SSBP3: variants seen among roughly 807,000 people sequenced by gnomAD.
SSBP3 encodes single-stranded DNA-binding protein 3.
A neutral mutation model predicts 69.6 loss-of-function variants in SSBP3; 5 were observed. That is an observed-to-expected ratio of 0.07 (90% confidence interval 0.04 to 0.15). The LOEUF (loss-of-function observed/expected upper bound fraction) is 0.15. Among genes scored for constraint, SSBP3 ranks in the 10% least tolerant of loss-of-function variants. The probability of loss-of-function intolerance (pLI) is 1.00; values close to 1 mark genes in which losing one functional copy is unlikely to be tolerated. For missense variants in SSBP3, 312 were observed against 534.0 expected, an observed-to-expected ratio of 0.58 and a Z score of 4.10; for synonymous variants, 196 against 193.4, an observed-to-expected ratio of 1.01 and a Z score of -0.11.
intron 4 of SSBP3, among the ~76,000 whole-genome samples, chr1:54,400,650 G>A (rs1015914675): frequency 6.6e-6 from 1 of 152,214 alleles, no homozygotes; most frequent in Non-Finnish European, 1.5e-5. Flanking sequence ...TACATTCCAA[G>A]AGCATTAACT....
rs551028339 is a variant in SSBP3, at chr1:54,366,847, A to C, written c.276+35014T>G. On this transcript the variant is annotated intron_variant, in intron 4 of 17. Transcript: ENST00000610401. ...TTCTAATAAAACTTTAGAAGCGTTCAATCTTCCTGGACCGAAAGCTTGGTA... is the reference window on the plus strand; with the variant it reads ...TTCTAATAAAACTTTAGAAGCGTTCCATCTTCCTGGACCGAAAGCTTGGTA... Among the ~76,000 whole-genome samples, 498 of 152,322 alleles carry C rather than the reference A, an allele frequency of 3.3e-3. 2 individuals carry two copies. The highest frequency in any genetic ancestry group is 7.1e-3 in the Admixed American group (108 of 15,308).
At position 54,331,811 on chromosome 1, in the gene SSBP3, G is replaced by A. The variant is rs913205996; in HGVS notation, c.277-50284C>T. On this transcript the variant is annotated intron_variant, in intron 4 of 17. Coordinates refer to ENST00000610401, the Ensembl canonical transcript of SSBP3. ...GGGTGGTGCCTTGCCCCAACTGCCC[G>A]CCAGCACCCACAGCCAAGGCAACTG... 4.6e-5 allele frequency among the ~76,000 whole-genome samples: 7 copies of A among 152,188 alleles called. No individual in the cohort carries two copies. The East Asian group carries it at 1.3e-3, about 29-fold the overall frequency.
intron 4 of SSBP3, among the ~76,000 whole-genome samples, chr1:54,296,344 T>C (rs1645703184): frequency 6.6e-6 from 1 of 152,228 alleles, no homozygotes; most frequent in Non-Finnish European, 1.5e-5. Flanking sequence ...GCAGGACCAT[T>C]CTTGACAAGG....
At chr1:54,323,201 C>T (rs527552963) in intron 4 of SSBP3, among the ~76,000 whole-genome samples, 1 of 152,304 alleles carries the variant, frequency 6.6e-6, no homozygotes, top group Admixed American at 6.5e-5. Context: ...GACTACTCTT[C>T]AGTGGGGAAA....
chr1:54,283,847 C>A (rs946622105), intron 4 of SSBP3, among the ~76,000 whole-genome samples: 1 of 152,300 alleles, frequency 6.6e-6, no homozygotes, highest in African/African-American at 2.4e-5. Flanking sequence ...TGAGATGGGG[C>A]CTCGTGAGGG....
chr1:54,290,371 C>T (rs1307074417), intron 4 of SSBP3, among the ~76,000 whole-genome samples: 1 of 152,232 alleles, frequency 6.6e-6, no homozygotes. Flanking sequence ...ACCGGCGGCC[C>T]AGAGCCAGAG....
At chr1:54,239,378 T>A (rs1041008869) in intron 13 of SSBP3, among the ~76,000 whole-genome samples, 179 bp from the exon 14 acceptor site, 5 of 152,158 alleles carry the variant, frequency 3.3e-5, no homozygotes, top group Non-Finnish European at 7.3e-5. Flanking sequence ...TCACAGAAAA[T>A]TCAACTGTGA....
chr1:54,287,955 G>C (rs138465625), intron 4 of SSBP3, among the ~76,000 whole-genome samples: 3 of 152,276 alleles, frequency 2.0e-5, no homozygotes, highest in African/African-American at 7.2e-5. Flanking sequence ...TGACACACAG[G>C]AGTGACACAA....
intron 4 of SSBP3, among the ~76,000 whole-genome samples, chr1:54,323,183 G>C (rs1646244321): frequency 1.3e-5 from 2 of 152,136 alleles, no homozygotes. Context: ...GAAGCTCCCA[G>C]AGCATTTGAC....
At chr1:54,393,362 C>G (rs1160090658) in intron 4 of SSBP3, among the ~76,000 whole-genome samples, 1 of 152,192 alleles carries the variant, frequency 6.6e-6, no homozygotes, top group Admixed American at 6.6e-5. Flanking sequence ...GGAAGCTAGC[C>G]CATGATGGTT....
chr1:54,406,888 C>T (rs959624037), upstream of SSBP3, among the ~76,000 whole-genome samples: 28 of 151,724 alleles, frequency 1.8e-4, no homozygotes, highest in Non-Finnish European at 4.0e-4. Flanking sequence ...TTATCTCGCC[C>T]TCCGCTCTTG....
At chr1:54,345,362 A>G (rs1217367874) in intron 4 of SSBP3, among the ~76,000 whole-genome samples, 1 of 152,142 alleles carries the variant, frequency 6.6e-6, no homozygotes, top group African/African-American at 2.4e-5. Context: ...AGAGGACACC[A>G]AGAGCCGCAC....
intron 4 of SSBP3, among the ~76,000 whole-genome samples, chr1:54,349,443 C>T (rs1646746046): frequency 6.6e-6 from 1 of 152,218 alleles, no homozygotes; most frequent in Non-Finnish European, 1.5e-5. Context: ...GATACACTGA[C>T]CATCTTGGGG....
intron 4 of SSBP3, chr1:54,287,342 C>T (rs2100917612): frequency 6.6e-6 from 1 of 152,344 alleles, no homozygotes; most frequent in South Asian, 2.1e-4. Context: ...GCTTGGGGGC[C>T]ACATGCAGAA....
intron 3 of SSBP3, 129 bp downstream of exon 3, chr1:54,404,447 G>T: frequency 9.1e-7 from 1 of 1,099,016 alleles, no homozygotes; most frequent in Non-Finnish European, 1.3e-6. Context: ...GTGCCTCGAG[G>T]TGCCCCGCTC....
chr1:54,320,068 G>C (rs1230959666), intron 4 of SSBP3, among the ~76,000 whole-genome samples: 2 of 152,192 alleles, frequency 1.3e-5, no homozygotes, highest in Non-Finnish European at 2.9e-5. Flanking sequence ...TGCCAGGCTG[G>C]AGAGGGAGGT....
intron 4 of SSBP3, among the ~76,000 whole-genome samples, chr1:54,348,481 C>T (rs1466819438): frequency 2.6e-5 from 4 of 152,308 alleles, no homozygotes; most frequent in Admixed American, 6.5e-5. Flanking sequence ...AAACAGGTGA[C>T]ACCCAGAGCA....
chr1:54,246,437 T>A (rs1644735060), intron 9 of SSBP3, among the ~76,000 whole-genome samples: 1 of 152,096 alleles, frequency 6.6e-6, no homozygotes, highest in Non-Finnish European at 1.5e-5. Context: ...CAGCCGCCTC[T>A]CCCATCCAAG....
chr1:54,239,915 G>A (rs547371680), intron 13 of SSBP3, among the ~76,000 whole-genome samples: 5 of 152,260 alleles, frequency 3.3e-5, no homozygotes, highest in Admixed American at 2.6e-4. Flanking sequence ...AGGAGCAGGC[G>A]CTGTAATTCT....
Sources: allele counts gnomAD v4.1 joint callset (sites outside exome capture counted in the v4.1 genomes callset), GRCh38; gene constraint gnomAD v4.1.1; transcripts MANE v1.5; gene names NCBI Gene and HGNC (gene_info 2026-07-23, HGNC 2026-07-21).